Variants in ATRX observed in about 807,000 individuals in gnomAD.
ATRX encodes the protein chromatin remodeler ATRX.
ATRX carries 12 observed loss-of-function variants against 172.6 expected under a neutral mutation model. That is an observed-to-expected ratio of 0.07 (90% CI 0.04 to 0.11). ATRX has a LOEUF of 0.11. Among genes scored for constraint, ATRX ranks in the 10% least tolerant of loss-of-function variants. The pLI is 1.00. For synonymous variants in ATRX, 674 were observed against 594.7 expected, an observed-to-expected ratio of 1.13 and a Z score of -1.94; for missense variants, 1,368 against 1,767.4, an observed-to-expected ratio of 0.77 and a Z score of 4.05.
chrX:77,539,822 A>G (rs1185682976), intron 30 of ATRX, among the ~76,000 whole-genome samples: 6 of 112,279 alleles, frequency 5.3e-5, no homozygotes, highest in African/African-American at 1.9e-4. Context: ...GGAAGCACTA[A>G]ACATGGAAAG....
intron 1 of ATRX, among the ~76,000 whole-genome samples, chrX:77,753,523 C>G (rs782256743): frequency 9.0e-6 from 1 of 110,917 alleles, no homozygotes; most frequent in Non-Finnish European, 1.9e-5. Context: ...TTTGTTTGCT[C>G]TTTTTCTCTA....
intron 29 of ATRX, 74 bp downstream of exon 29, chrX:77,558,595 A>G (rs1009931731): frequency 1.2e-5 from 11 of 936,453 alleles, no homozygotes; most frequent in South Asian, 2.1e-5. Context: ...TGTAATACAC[A>G]TATGTTCCAT....
intron 34 of ATRX, among the ~76,000 whole-genome samples, chrX:77,517,407 A>G (rs1783213051): frequency 8.9e-6 from 1 of 111,761 alleles, no homozygotes; most frequent in African/African-American, 3.2e-5. Context: ...ACATGCAAAA[A>G]ATTGGAAAAC....
chrX:77,710,933 AACACAC>A (rs145847838), intron 2 of ATRX, among the ~76,000 whole-genome samples: 5 of 97,911 alleles, frequency 5.1e-5, no homozygotes, highest in Non-Finnish European at 1.0e-4. Context: ...ATAGAACTTT[AACACAC>A]ACACACACAC....
At chrX:77,534,408 C>T (rs928470255) in intron 30 of ATRX, among the ~76,000 whole-genome samples, 4 of 111,757 alleles carry the variant, frequency 3.6e-5, no homozygotes, top group Admixed American at 9.5e-5. Flanking sequence ...TTGCAAAGTC[C>T]AGAGCAAGTT....
intron 9 of ATRX, among the ~76,000 whole-genome samples, chrX:77,677,088 C>CT (rs2070914925): frequency 9.3e-6 from 1 of 107,129 alleles, no homozygotes; most frequent in African/African-American, 3.4e-5. Flanking sequence ...CACCACGGCA[C>CT]TCCAGCCTGG....
chrX:77,751,441 T>C (rs189710697), intron 1 of ATRX, among the ~76,000 whole-genome samples: 228 of 112,325 alleles, frequency 2.0e-3, no homozygotes, highest in Non-Finnish European at 3.6e-3. Context: ...GATGCATAGA[T>C]TGCAAAAATT....
chrX:77,559,708 C>T (rs1557060986), intron 28 of ATRX, among the ~76,000 whole-genome samples: 4 of 109,577 alleles, frequency 3.7e-5, no homozygotes. Flanking sequence ...CTGCCCACCT[C>T]GGCCTCCCAA....
chrX:77,632,035 G>C (rs2148330691), intron 19 of ATRX, among the ~76,000 whole-genome samples: 1 of 110,239 alleles, frequency 9.1e-6, no homozygotes, highest in South Asian at 3.9e-4. Context: ...GTCTCGCTCT[G>C]TCACCCAGAT....
chrX:77,553,668 A>G (rs1202759209), intron 30 of ATRX, among the ~76,000 whole-genome samples: 1 of 110,958 alleles, frequency 9.0e-6, no homozygotes, highest in Non-Finnish European at 1.9e-5. Context: ...CTTTTTTTCT[A>G]TTCCCCATCT....
chrX:77,677,644 G>A (rs886554289), intron 9 of ATRX, among the ~76,000 whole-genome samples: 1 of 101,304 alleles, frequency 9.9e-6, no homozygotes, highest in Non-Finnish European at 2.0e-5. Context: ...ACTAAGTAAA[G>A]GTTATCTGAG....
chrX:77,781,429 G>A (rs1047820621), intron 1 of ATRX, among the ~76,000 whole-genome samples: 1 of 84,977 alleles, frequency 1.2e-5, no homozygotes, highest in African/African-American at 4.6e-5. Flanking sequence ...GCAACATAGT[G>A]AGACTCTGTC....
At chrX:77,737,656 C>T (rs1279749840) in intron 1 of ATRX, among the ~76,000 whole-genome samples, 1 of 110,325 alleles carries the variant, frequency 9.1e-6, no homozygotes, top group Non-Finnish European at 1.9e-5. Flanking sequence ...GATGGACAGC[C>T]CATTTTACAT....
chrX:77,632,951 C>T (rs1791925465), intron 19 of ATRX, among the ~76,000 whole-genome samples: 1 of 111,753 alleles, frequency 8.9e-6, no homozygotes, highest in African/African-American at 3.2e-5. Context: ...GCATTTGATG[C>T]ATTTTTAAGT....
rs782625886 is a variant in ATRX at position 77,663,500 on chromosome X, T to A, written c.4002A>T (p.Pro1334=). The change falls in exon 12 of 35, where the codon CCA becomes CCT. Residue 1334 remains proline (P), a synonymous_variant. Coordinates refer to ENST00000373344, the MANE Select transcript of ATRX (RefSeq NM_000489.6). ...SDSDSEESKK[P]RYRHRLLRHK... is the part of the protein sequence containing the mutation. ...GCCGCAAAAGCCTATGTCTGTATCT[T>A]GGCTTCTTAGATTCTTCAGAATCTG... 1.7e-6 allele frequency: 2 copies of A among 1,209,620 alleles called. No individual in the cohort carries two copies. Among genetic ancestry groups the A allele is most frequent in the African/African-American group, 3.5e-5 (2 of 57,304 alleles).
chrX:77,753,361 CTTCT>C (rs1351901826), intron 1 of ATRX, among the ~76,000 whole-genome samples: 2 of 110,821 alleles, frequency 1.8e-5, no homozygotes, highest in African/African-American at 6.6e-5. Context: ...TCTCTCTTTT[CTTCT>C]TTATTAGTCT....
chrX:77,649,637 CG>C (rs1671759751), intron 15 of ATRX, among the ~76,000 whole-genome samples: 3 of 111,364 alleles, frequency 2.7e-5, no homozygotes. Context: ...AATTGAATCA[CG>C]GGGGCAGGTC....
At chrX:77,644,903 G>A (rs1352844633) in intron 15 of ATRX, among the ~76,000 whole-genome samples, 1 of 110,955 alleles carries the variant, frequency 9.0e-6, no homozygotes, top group African/African-American at 3.3e-5. Flanking sequence ...ACAAATACAG[G>A]AATGAACTCA....
At chrX:77,777,654 A>C (rs1330731275) in intron 1 of ATRX, among the ~76,000 whole-genome samples, 5 of 111,600 alleles carry the variant, frequency 4.5e-5, no homozygotes, top group Admixed American at 9.6e-5. Flanking sequence ...AATATAATCC[A>C]AATAAGCAAA....
Sources: allele counts gnomAD v4.1 joint callset (sites outside exome capture counted in the v4.1 genomes callset), GRCh38; gene constraint gnomAD v4.1.1; transcripts MANE v1.5; gene names NCBI Gene and HGNC (gene_info 2026-07-23, HGNC 2026-07-21).